The following IL34 variants were observed in gnomAD, a reference collection of about 807,000 sequenced individuals.
IL34 encodes the protein interleukin 34.
In IL34, 17 loss-of-function variants were observed where a neutral mutation model predicts 25.3. The observed-to-expected ratio is 0.67, with a 90% CI of 0.46 to 1.01. The LOEUF (loss-of-function observed/expected upper bound fraction) is 1.01, where lower values mean the gene tolerates loss of function less well. IL34 is among the 50% of genes least tolerant of loss of function. The probability of loss-of-function intolerance (pLI) is 0.00; values close to 1 mark genes in which losing one functional copy is unlikely to be tolerated. For synonymous variants in IL34, 174 were observed against 140.9 expected, an observed-to-expected ratio of 1.23 and a Z score of -1.66; for missense variants, 368 against 312.9, an observed-to-expected ratio of 1.18 and a Z score of -1.33.
chr16:70,639,680 C>G (rs868345994), intron 1 of IL34, among the ~76,000 whole-genome samples: 2 of 152,124 alleles, frequency 1.3e-5, no homozygotes, highest in Non-Finnish European at 2.9e-5. Context: ...GGAGTCCAGG[C>G]GTGGTGACTC....
intron 1 of IL34, among the ~76,000 whole-genome samples, chr16:70,604,541 C>A (rs1383712727): frequency 6.6e-6 from 1 of 152,234 alleles, no homozygotes; most frequent in Non-Finnish European, 1.5e-5. Flanking sequence ...TGTCTGCCAA[C>A]ACATTTGAAA....
At chr16:70,607,909 A>G (rs1164047426) in intron 1 of IL34, among the ~76,000 whole-genome samples, 1 of 151,534 alleles carries the variant, frequency 6.6e-6, no homozygotes, top group African/African-American at 2.4e-5. Flanking sequence ...TTGGGATTAC[A>G]GGCGAGGGTC....
intron 1 of IL34, among the ~76,000 whole-genome samples, chr16:70,586,969 C>T (rs183562081): frequency 1.5e-3 from 227 of 152,288 alleles, no homozygotes; most frequent in Non-Finnish European, 2.8e-3. Flanking sequence ...ATGTTGCGGG[C>T]TCATTTGGGG....
At chr16:70,599,237 T>G (rs2050868976) in intron 1 of IL34, among the ~76,000 whole-genome samples, 1 of 140,518 alleles carries the variant, frequency 7.1e-6, no homozygotes, top group Non-Finnish European at 1.6e-5. Context: ...GTTTATTACT[T>G]TGTCTTATAC....
chr16:70,611,569 G>A (rs949386718), intron 1 of IL34, among the ~76,000 whole-genome samples: 6 of 152,038 alleles, frequency 3.9e-5, no homozygotes, highest in African/African-American at 1.4e-4. Context: ...CAGGTGGATC[G>A]CTTGAGCTCA....
rs528816661 is a variant in IL34 at position 70,613,726 on chromosome 16, T to C, written c.-400-32822T>C. ...CTATCTCTACTAAAAATACAAAAAT[T>C]AGCCAGGCATGGTGGCGTGCACCTG... is the stretch of plus-strand genomic sequence containing the variant. On this transcript the variant is annotated intron_variant, in intron 1 of 6. Transcript: ENST00000429149. Among the ~76,000 whole-genome samples, 310 of 151,788 alleles carry C rather than the reference T, an allele frequency of 2.0e-3. 5 individuals are homozygous for C. Among genetic ancestry groups the C allele is most frequent in the Non-Finnish European group, 1.0e-3 (69 of 67,926 alleles).
At chr16:70,633,857 CTT>C (rs367597411) in intron 1 of IL34, among the ~76,000 whole-genome samples, 6 of 146,596 alleles carry the variant, frequency 4.1e-5, no homozygotes, top group African/African-American at 1.0e-4. Flanking sequence ...GAGTCTCTCT[CTT>C]TTTTTTTTTG....
chr16:70,612,817 A>C (rs1235774145), intron 1 of IL34, among the ~76,000 whole-genome samples: 2 of 152,110 alleles, frequency 1.3e-5, no homozygotes, highest in Non-Finnish European at 2.9e-5. Context: ...ACAGAGTCTC[A>C]CTCTATTGCC....
chr16:70,591,063 C>A (rs543872378), intron 1 of IL34, among the ~76,000 whole-genome samples: 2 of 152,212 alleles, frequency 1.3e-5, no homozygotes, highest in African/African-American at 4.8e-5. Flanking sequence ...CCATGCCAAG[C>A]GAGACTGGGA....
chr16:70,608,985 T>C (rs928871165), intron 1 of IL34, among the ~76,000 whole-genome samples: 4 of 152,222 alleles, frequency 2.6e-5, no homozygotes, highest in African/African-American at 4.8e-5. Flanking sequence ...CCATGTGATA[T>C]GAGCTGATGG....
At chr16:70,613,976 C>G (rs780495657) in intron 1 of IL34, among the ~76,000 whole-genome samples, 3 of 151,714 alleles carry the variant, frequency 2.0e-5, no homozygotes, top group Admixed American at 6.6e-5. Flanking sequence ...TTGCTTGAGG[C>G]CAGGAGTTTG....
At chr16:70,598,806 G>A (rs186655497) in intron 1 of IL34, among the ~76,000 whole-genome samples, 2 of 152,170 alleles carry the variant, frequency 1.3e-5, no homozygotes, top group African/African-American at 4.8e-5. Context: ...TTTTACTGAG[G>A]ACGATAGACG....
chr16:70,608,600 T>G (rs2051046187), intron 1 of IL34, among the ~76,000 whole-genome samples: 1 of 151,692 alleles, frequency 6.6e-6, no homozygotes, highest in African/African-American at 2.4e-5. Context: ...AGATCAAGGG[T>G]GGGGAGAGGG....
chr16:70,608,419 C>G (rs530978524), intron 1 of IL34, among the ~76,000 whole-genome samples: 4 of 152,154 alleles, frequency 2.6e-5, no homozygotes, highest in East Asian at 3.8e-4. Flanking sequence ...TGAGCCACCA[C>G]GACCGGCCTT....
At position 70,602,948 on chromosome 16, in the gene IL34, G is replaced by A. The variant is rs538630272; in HGVS notation, c.-401+22899G>A. Among the ~76,000 whole-genome samples, 4 of 151,992 alleles carry A rather than the reference G, an allele frequency of 2.6e-5. No homozygotes were observed. The South Asian group carries it at 6.3e-4, about 24-fold the overall frequency. On this transcript the variant is annotated intron_variant, in intron 1 of 6. Transcript: ENST00000429149. ...CCGCCAGCATGAGTCCATGTTTCAC[G>A]GCCCCCAAACATCCCTGAAATGAGG... is the stretch of plus-strand genomic sequence containing the variant.
intron 1 of IL34, chr16:70,654,194 A>C: frequency 4.9e-6 from 1 of 202,320 alleles, no homozygotes. Context: ...TATCACCCGG[A>C]CACCAGGGGC....
chr16:70,615,008 G>A (rs1327941684), intron 1 of IL34, among the ~76,000 whole-genome samples: 1 of 152,082 alleles, frequency 6.6e-6, no homozygotes, highest in Non-Finnish European at 1.5e-5. Context: ...TCCCATAACC[G>A]GCCTCACCGG....
At chr16:70,654,464 T>A in intron 1 of IL34, 74 bp from the exon 2 acceptor site, 2 of 1,519,088 alleles carry the variant, frequency 1.3e-6, no homozygotes. Context: ...ATGGTTGTGC[T>A]CGGCTTTGCG....
At chr16:70,633,067 T>A (rs1294045570) in intron 1 of IL34, among the ~76,000 whole-genome samples, 1 of 151,808 alleles carries the variant, frequency 6.6e-6, no homozygotes, top group African/African-American at 2.4e-5. Context: ...TGGGCTCAAG[T>A]GATCCTCCCA....
Sources: gnomAD v4.1 joint callset for allele counts (sites outside exome capture counted in the v4.1 genomes callset) on GRCh38, gnomAD v4.1.1 for gene constraint, MANE v1.5 for transcripts, NCBI Gene and HGNC (gene_info 2026-07-23, HGNC 2026-07-21) for gene names.